The following CDC42BPA variants were observed in gnomAD, a reference collection of about 807,000 sequenced individuals.
CDC42BPA encodes the protein CDC42 binding protein kinase alpha, also known as serine/threonine-protein kinase MRCK alpha.
Under a neutral mutation model 223.5 loss-of-function variants are expected in CDC42BPA, and 80 were observed. The ratio of observed to expected loss-of-function variants is 0.36; its 90% CI spans 0.30 to 0.43. The LOEUF is 0.43. Ranked by LOEUF, CDC42BPA falls within the 20% of genes least tolerant of loss-of-function variation. The pLI is 1.00. For missense variants in CDC42BPA, 1,743 were observed against 2,099.9 expected, an observed-to-expected ratio of 0.83 and a Z score of 3.32; for synonymous variants, 694 against 718.6, an observed-to-expected ratio of 0.97 and a Z score of 0.55.
chr1:227,255,410 T>C (rs1682865862), intron 1 of CDC42BPA, among the ~76,000 whole-genome samples: 1 of 151,206 alleles, frequency 6.6e-6, no homozygotes, highest in Admixed American at 6.6e-5. Flanking sequence ...TCAAGTCCAC[T>C]AGGGATTTCT....
chr1:227,142,019 T>C (rs1175258890), intron 9 of CDC42BPA, among the ~76,000 whole-genome samples: 1 of 151,738 alleles, frequency 6.6e-6, no homozygotes, highest in African/African-American at 2.4e-5. Context: ...AGTGGAAGAG[T>C]GAATATACTA....
At chr1:227,161,355 G>C (rs1222786634) in intron 5 of CDC42BPA, among the ~76,000 whole-genome samples, 1 of 152,110 alleles carries the variant, frequency 6.6e-6, no homozygotes, top group Admixed American at 6.6e-5. Flanking sequence ...TCATAGTAAA[G>C]GTTGTAATTG....
chr1:227,109,101 T>C (rs972910365), intron 14 of CDC42BPA, among the ~76,000 whole-genome samples: 1 of 152,092 alleles, frequency 6.6e-6, no homozygotes, highest in East Asian at 1.9e-4. Context: ...ATATAGAGCA[T>C]TATGAATGGA....
intron 23 of CDC42BPA, among the ~76,000 whole-genome samples, chr1:227,042,245 A>T (rs1671513489): frequency 6.6e-6 from 1 of 151,326 alleles, no homozygotes; most frequent in African/African-American, 2.4e-5. Flanking sequence ...AGGGTTGACA[A>T]ATTTATTAGT....
At chr1:227,310,106 G>T (rs1428298056) in intron 1 of CDC42BPA, among the ~76,000 whole-genome samples, 1 of 152,104 alleles carries the variant, frequency 6.6e-6, no homozygotes, top group Non-Finnish European at 1.5e-5. Flanking sequence ...ACCTTATACT[G>T]GAAGAACATT....
chr1:227,006,266 AATG>A (rs1269185007), intron 34 of CDC42BPA, among the ~76,000 whole-genome samples: 1 of 152,190 alleles, frequency 6.6e-6, no homozygotes, highest in Non-Finnish European at 1.5e-5. Flanking sequence ...TAGCTACAAA[AATG>A]ATGGTAATCT....
At chr1:227,176,038 C>T (rs757593024) in intron 5 of CDC42BPA, among the ~76,000 whole-genome samples, 15 of 152,076 alleles carry the variant, frequency 9.9e-5, no homozygotes, top group Non-Finnish European at 1.9e-4. Context: ...CTGCAACCTC[C>T]GCCTCCCAGG....
At chr1:227,172,435 C>G (rs1165734861) in intron 5 of CDC42BPA, among the ~76,000 whole-genome samples, 7 of 152,054 alleles carry the variant, frequency 4.6e-5, no homozygotes, top group Admixed American at 4.6e-4. Flanking sequence ...CATCCAGATA[C>G]AATCAACAAG....
chr1:227,196,338 C>CTTTTTTTTTTTTTTTTGTTTTTTT, intron 4 of CDC42BPA, among the ~76,000 whole-genome samples: 1 of 92,358 alleles, frequency 1.1e-5, no homozygotes, highest in South Asian at 4.0e-4. Context: ...TTAAACAATA[C>CTTTTTTTTTTTTTTTTGTTTTTTT]TTTTTTTTTT....
Position 227,317,390 on chromosome 1 carries a change from T to C in CDC42BPA, c.-208A>G, listed in dbSNP as rs1263785996. 7 of 463,130 alleles carry C rather than the reference T, an allele frequency of 1.5e-5. No individual in the cohort carries two copies. Among genetic ancestry groups the C allele is most frequent in the Admixed American group, 1.2e-4 (3 of 25,336 alleles). 28.7% of individuals were successfully genotyped at this position (463,130 alleles called of 1,614,324 possible). A position where few individuals can be genotyped will look rare whatever the true frequency, so the allele number is the denominator to read the frequency against. ...CTTCAATTTCACCCATATACATATA[T>C]TTTGAGGGTAAATTACCATAAAATA... On this transcript the variant is annotated 5_prime_UTR_variant, in exon 1 of 37. Transcript: ENST00000366766.
chr1:227,297,967 T>TATATATATATATACACACACACAC (rs369403944), intron 1 of CDC42BPA, among the ~76,000 whole-genome samples: 118 of 132,056 alleles, frequency 8.9e-4, no homozygotes, highest in Middle Eastern at 8.3e-3. Context: ...TATATACATA[T>TATATATATATATACACACACACAC]ACACACACAC....
At position 227,101,100 on chromosome 1, in the gene CDC42BPA, T is replaced by C; in HGVS notation, c.2141A>G (p.Glu714Gly). The C allele has an allele frequency of 6.4e-7, 1 of 1,572,862 alleles. No individual in the cohort carries two copies. The highest frequency in any genetic ancestry group is 8.7e-7 in the Non-Finnish European group (1 of 1,143,108). The change falls in exon 15 of 37, where the codon GAA becomes GGA. Residue 714 changes from glutamate (E) to glycine (G), a missense_variant. Glu to Gly is a moderately conservative substitution (Grantham distance 98). This residue lies in a region of CDC42BPA where 464 missense variants were observed against 488.0 expected (regional missense o/e 0.95). Transcript: ENST00000366766. ...LSKREGIHANEIKNLKKELHD... is the reference protein window; with the variant it reads ...LSKREGIHANGIKNLKKELHD... ...CAGTTCTTTCTTAAGATTTTTTATT[T>C]CATTTGCATGTATTCCTTCTCTTTT...
intron 5 of CDC42BPA, among the ~76,000 whole-genome samples, chr1:227,185,377 C>A (rs762103530): frequency 6.6e-6 from 1 of 152,158 alleles, no homozygotes; most frequent in Admixed American, 6.5e-5. Flanking sequence ...CGATTCCCAC[C>A]GTTGTCCTCT....
At chr1:227,073,265 CTG>C (rs1678797771) in intron 19 of CDC42BPA, among the ~76,000 whole-genome samples, 1 of 152,168 alleles carries the variant, frequency 6.6e-6, no homozygotes, top group Non-Finnish European at 1.5e-5. Context: ...ATCAGTCTAA[CTG>C]TGAATCATTT....
intron 13 of CDC42BPA, 53 bp downstream of exon 13, chr1:227,112,618 A>C: frequency 6.7e-7 from 1 of 1,501,488 alleles, no homozygotes; most frequent in Non-Finnish European, 8.9e-7. Flanking sequence ...AGTCTCAAAA[A>C]GCAGCTTTAA....
intron 32 of CDC42BPA, among the ~76,000 whole-genome samples, chr1:227,020,268 C>T (rs1475944829): frequency 6.6e-6 from 1 of 152,218 alleles, no homozygotes; most frequent in Non-Finnish European, 1.5e-5. Flanking sequence ...CGTAAAGCCA[C>T]AAGCTGCATT....
intron 16 of CDC42BPA, among the ~76,000 whole-genome samples, chr1:227,082,943 ATG>A (rs891318491): frequency 2.7e-4 from 41 of 152,026 alleles, no homozygotes; most frequent in African/African-American, 8.9e-4. Flanking sequence ...TTTGAACGTA[ATG>A]TGTCTTTCTT....
chr1:227,001,644 C>T (rs932138341), intron 35 of CDC42BPA, among the ~76,000 whole-genome samples: 7 of 152,170 alleles, frequency 4.6e-5, no homozygotes, highest in Non-Finnish European at 7.4e-5. Context: ...CGGTGGGTCA[C>T]GCCTGTAATC....
chr1:227,226,479 G>C (rs1274747762), intron 2 of CDC42BPA, among the ~76,000 whole-genome samples: 1 of 152,150 alleles, frequency 6.6e-6, no homozygotes, highest in Middle Eastern at 3.2e-3. Context: ...TAGATGGAAA[G>C]TATCAAAACT....
Sources: gnomAD v4.1 joint callset for allele counts (sites outside exome capture counted in the v4.1 genomes callset) on GRCh38, gnomAD v4.1.1 for gene constraint, gnomAD v4.1.1 regional missense constraint, MANE v1.5 for transcripts, NCBI Gene and HGNC (gene_info 2026-07-23, HGNC 2026-07-21) for gene names.